The following UBOX5 variants were observed in gnomAD, a reference collection of about 807,000 sequenced individuals.
UBOX5 encodes the protein U-box domain containing 5.
UBOX5 carries 28 observed loss-of-function variants against 39.0 expected under a neutral mutation model. The ratio of observed to expected loss-of-function variants is 0.72; its 90% CI spans 0.53 to 0.98. The LOEUF is 0.98. Ranked by LOEUF, UBOX5 falls within the 50% of genes least tolerant of loss-of-function variation. UBOX5 has a pLI of 0.00. For missense variants in UBOX5, 585 were observed against 674.4 expected (o/e 0.87, Z 1.47); for synonymous variants, 283 against 275.5 (o/e 1.03, Z -0.27).
At chr20:3,153,896 T>C (rs1440945141) in intron 1 of UBOX5, among the ~76,000 whole-genome samples, 6 of 152,230 alleles carry the variant, frequency 3.9e-5, no homozygotes, top group Non-Finnish European at 7.3e-5. Flanking sequence ...TCATTTTTTT[T>C]TCCTTTGAGT....
chr20:3,142,772 CAAAAAAAAAA>C (rs58907108), intron 1 of UBOX5, among the ~76,000 whole-genome samples: 2 of 77,764 alleles, frequency 2.6e-5, no homozygotes, highest in African/African-American at 1.1e-4. Context: ...AACTCTGTCT[CAAAAAAAAAA>C]AAAAAAAAAA....
intron 3 of UBOX5, among the ~76,000 whole-genome samples, chr20:3,120,715 C>T (rs1249912883): frequency 6.6e-6 from 1 of 151,350 alleles, no homozygotes; most frequent in Non-Finnish European, 1.5e-5. Flanking sequence ...AGAAGAAAAA[C>T]AGAAAAAAAC....
At chr20:3,137,005 T>C (rs2066477725) in intron 1 of UBOX5, among the ~76,000 whole-genome samples, 1 of 150,128 alleles carries the variant, frequency 6.7e-6, no homozygotes, top group Non-Finnish European at 1.5e-5. Flanking sequence ...TGGAGTGCAG[T>C]GGGGCAATCT....
intron 3 of UBOX5, 147 bp from the exon 4 acceptor site, chr20:3,115,613 A>G (rs1424768728): frequency 2.2e-6 from 2 of 923,448 alleles, no homozygotes; most frequent in African/African-American, 3.4e-5. Flanking sequence ...CTGGCGGACC[A>G]TGACAGAACA....
intron 3 of UBOX5, among the ~76,000 whole-genome samples, chr20:3,115,853 T>C (rs1304319079): frequency 4.3e-5 from 6 of 140,566 alleles, no homozygotes; most frequent in Non-Finnish European, 9.0e-5. Context: ...AACCTTCGCC[T>C]CCTGGATTCA....
At chr20:3,127,445 C>T (rs142901978) in intron 1 of UBOX5, among the ~76,000 whole-genome samples, 18 of 152,292 alleles carry the variant, frequency 1.2e-4, no homozygotes, top group Middle Eastern at 6.8e-3. Flanking sequence ...TACATATTAA[C>T]ACAAAGTATT....
chr20:3,151,194 T>C (rs1281716345), intron 1 of UBOX5, among the ~76,000 whole-genome samples: 2 of 152,108 alleles, frequency 1.3e-5, no homozygotes, highest in Non-Finnish European at 2.9e-5. Flanking sequence ...TCAGCCACCA[T>C]GCCTGACCAC....
At position 3,122,221 on chromosome 20, in the gene UBOX5, G is replaced by T. The variant is rs759443334; in HGVS notation, c.418C>A (p.Pro140Thr). The stretch of plus-strand genomic sequence containing the variant: ...GTGGCTTCCATCGCGCCAAAAGGGG[G>T]CCTGGCCTTGAAGCCCCTGTGGCTA... ...VFSHRGFKAR[P>T]PFGAMEATLP... Residue 140 changes from proline (P) to threonine (T), a missense_variant, in exon 3 of 5, where the codon CCC (proline) becomes ACC (threonine). By Grantham distance (38) the Pro-to-Thr change is conservative. Transcript: ENST00000217173. 1.9e-6 allele frequency: 3 copies of T among 1,614,240 alleles called. No individual in the cohort carries two copies. The highest frequency in any genetic ancestry group is 2.5e-6 in the Non-Finnish European group (3 of 1,180,038).
intron 3 of UBOX5, among the ~76,000 whole-genome samples, chr20:3,117,057 C>A (rs979012936): frequency 1.3e-5 from 2 of 151,500 alleles, no homozygotes; most frequent in African/African-American, 4.9e-5. Context: ...AATCACACTA[C>A]TGCACTCCAG....
intron 1 of UBOX5, among the ~76,000 whole-genome samples, chr20:3,127,718 A>G (rs1192938075): frequency 6.6e-6 from 1 of 152,212 alleles, no homozygotes; most frequent in African/African-American, 2.4e-5. Flanking sequence ...AAACATTTAT[A>G]CACGAGAATA....
At position 3,122,116 on chromosome 20, in the gene UBOX5, T is replaced by C. The variant is rs1480098791; in HGVS notation, c.523A>G (p.Ile175Val). Reference protein sequence around the residue: ...LSLSHVAHLRICITHVTGGGI... With the variant: ...LSLSHVAHLRVCITHVTGGGI... ...CCGCCTGTCACATGGGTGATACAGA[T>C]CCTTAAGTGGGCCACGTGGCTAAGG... Residue 175 changes from isoleucine (I) to valine (V), a missense_variant, in exon 3 of 5, where the codon ATC becomes GTC. Ile to Val is a conservative substitution (Grantham distance 29, BLOSUM62 3). Transcript: ENST00000217173. 1 of 1,614,204 alleles carries C rather than the reference T, an allele frequency of 6.2e-7. No homozygotes were observed. The highest frequency in any genetic ancestry group is 1.1e-5 in the South Asian group (1 of 91,086).
chr20:3,110,597 G>C, intron 4 of UBOX5: 1 of 462,618 alleles, frequency 2.2e-6, no homozygotes, highest in South Asian at 2.3e-5. Context: ...CCTTCCTCCT[G>C]GTCTCCCAGC....
At chr20:3,147,071 C>G in intron 1 of UBOX5, 1 of 1,614,078 alleles carries the variant, frequency 6.2e-7, no homozygotes, top group Non-Finnish European at 8.5e-7. Context: ...GCAAAGGAAG[C>G]CCCCCAGAGG....
At position 3,122,480 on chromosome 20, in the gene UBOX5, C is replaced by T; in HGVS notation, c.159G>A (p.Val53=). The T allele has an allele frequency of 6.2e-7, 1 of 1,614,154 alleles. No homozygotes were observed. The highest frequency in any genetic ancestry group is 1.7e-5 in the Admixed American group (1 of 60,012). The change falls in exon 3 of 5, where the codon GTG becomes GTA. Residue 53 remains valine, a synonymous_variant. Coordinates refer to ENST00000217173, the MANE Select transcript of UBOX5 (RefSeq NM_014948.4). ...TEYFIKPPVY[V]TVSFPFNVEI... The stretch of plus-strand genomic sequence containing the variant: ...CCACATTAAAGGGAAATGAAACTGT[C>T]ACATAGACTGGTGGCTTAATGAAAT...
intron 3 of UBOX5, 116 bp from the exon 4 acceptor site, chr20:3,115,582 G>T (rs2148588582): frequency 8.6e-7 from 1 of 1,161,952 alleles, no homozygotes; most frequent in Non-Finnish European, 1.2e-6. Context: ...TCAATGTAAT[G>T]AAACTCCATC....
At position 3,115,298 on chromosome 20, in the gene UBOX5, A is replaced by C; in HGVS notation, c.1417+7T>G. On this transcript the variant is annotated splice_region_variant and intron_variant, in intron 4 of 4. Coordinates refer to ENST00000217173, the MANE Select transcript of UBOX5 (RefSeq NM_014948.4). The stretch of plus-strand genomic sequence containing the variant: ...AGGCTCCAAGGAGATGGCGGGGCCC[A>C]TGTTACCCGAGCCGGTGCCAGGCCT... The C allele has an allele frequency of 6.2e-7, 1 of 1,608,788 alleles. No individual in the cohort carries two copies. The highest frequency in any genetic ancestry group is 1.1e-5 in the South Asian group (1 of 90,224).
At chr20:3,145,830 G>C (rs927450162) in intron 1 of UBOX5, among the ~76,000 whole-genome samples, 1 of 152,162 alleles carries the variant, frequency 6.6e-6, no homozygotes, top group South Asian at 2.1e-4. Context: ...TGGATCATCT[G>C]AGGTCAGGAG....
chr20:3,114,438 C>A (rs1247628490), intron 4 of UBOX5, among the ~76,000 whole-genome samples: 3 of 152,108 alleles, frequency 2.0e-5, no homozygotes, highest in African/African-American at 4.8e-5. Flanking sequence ...CCGTTGCAAT[C>A]AGTTTCTGTT....
At chr20:3,141,310 G>C (rs755102851) in intron 1 of UBOX5, among the ~76,000 whole-genome samples, 1 of 152,072 alleles carries the variant, frequency 6.6e-6, no homozygotes, top group Non-Finnish European at 1.5e-5. Flanking sequence ...AAGAATATTT[G>C]CTGCATATTA....
Sources: allele counts gnomAD v4.1 joint callset (sites outside exome capture counted in the v4.1 genomes callset), GRCh38; gene constraint gnomAD v4.1.1; transcripts MANE v1.5; gene names NCBI Gene and HGNC (gene_info 2026-07-23, HGNC 2026-07-21).